Variants in CNOT3 observed in about 807,000 individuals in gnomAD.
CNOT3 encodes the protein CCR4-associated factor 3.
In CNOT3, 2 loss-of-function variants were observed where a neutral mutation model predicts 89.4. The ratio of observed to expected loss-of-function variants is 0.02; its 90% CI spans 0.01 to 0.07. The LOEUF is 0.07. Ranked by LOEUF, CNOT3 falls within the 10% of genes least tolerant of loss-of-function variation. The probability of loss-of-function intolerance (pLI) is 1.00; values close to 1 mark genes in which losing one functional copy is unlikely to be tolerated. For synonymous variants in CNOT3, 486 were observed against 402.0 expected, an observed-to-expected ratio of 1.21 and a Z score of -2.50; for missense variants, 664 against 1,010.2, an observed-to-expected ratio of 0.66 and a Z score of 4.65.
chr19:54,142,306 G>C (rs770900571), intron 1 of CNOT3: 3 of 153,628 alleles, frequency 2.0e-5, no homozygotes, highest in Non-Finnish European at 4.3e-5. Context: ...TGTCTTGGTG[G>C]TTTGAGTCCC....
intron 12 of CNOT3, among the ~76,000 whole-genome samples, 172 bp from the exon 13 acceptor site, chr19:54,149,388 C>T (rs1227243579): frequency 1.3e-5 from 2 of 151,930 alleles, no homozygotes. Context: ...AGATTGGGCT[C>T]TGCCTTTGTT....
chr19:54,145,244 C>T lies in CNOT3; in HGVS notation c.484-354C>T, dbSNP rs2074614032. Among the ~76,000 whole-genome samples the T allele has an allele frequency of 6.6e-6, 1 of 152,070 alleles. No individual in the cohort carries two copies. The highest frequency in any genetic ancestry group is 2.1e-4 in the South Asian group (1 of 4,826). ...GGTATCTGTATGCCAGAGGCAGTCA[C>T]AGTGGTGGGCGGGCTCAGTTGAGAA... On this transcript the variant is annotated intron_variant, in intron 7 of 17. Coordinates refer to ENST00000221232, the MANE Select transcript of CNOT3 (RefSeq NM_014516.4). This position sits in a 1 kb window ranked among gnomAD's most constrained non-coding sequence, Gnocchi z 5.9.
Position 54,143,433 on chromosome 19 carries a change from A to AT in CNOT3, c.94-8dup. 1 of 1,613,862 alleles carries AT rather than the reference A, an allele frequency of 6.2e-7. No individual in the cohort carries two copies. The highest frequency in any genetic ancestry group is 8.5e-7 in the Non-Finnish European group (1 of 1,179,864). ...CCACACTGACTTCTCAATTCTCTCC[A>AT]TCCCTCAGCTCCACAATGCAGCCAA... On this transcript the variant is annotated splice_polypyrimidine_tract_variant and intron_variant, in intron 3 of 17. Transcript: ENST00000221232.
In CNOT3 at chr19:54,148,308, C is replaced by T. The variant is rs934844672; in HGVS notation, c.1055C>T (p.Ala352Val). The change falls in exon 11 of 18, where the codon GCC becomes GTC. Residue 352 changes from alanine (A) to valine (V), a missense_variant. This residue lies in a region of CNOT3 where 545 missense variants were observed against 566.2 expected (regional missense o/e 0.96). Transcript: ENST00000221232. The surrounding 1 kb of genome is among the most constrained non-coding windows in gnomAD (Gnocchi z 6.3). ...CCCGCCCCCGCAGCACCCCCAAGTG[C>T]CCTGGGCCCCAAGGCCAGTCCAGCT... is the stretch of plus-strand genomic sequence containing the variant. ...GVPAPAAPPS[A>V]LGPKASPAPS... The T allele has an allele frequency of 1.2e-6, 2 of 1,606,906 alleles. No individual in the cohort carries two copies. Among genetic ancestry groups the T allele is most frequent in the African/African-American group, 2.7e-5 (2 of 74,806 alleles).
At chr19:54,152,704 TG>T in intron 15 of CNOT3, 78 bp downstream of exon 15, 2 of 1,274,938 alleles carry the variant, frequency 1.6e-6, no homozygotes, top group Admixed American at 1.7e-5. Context: ...TGTGAGGCTG[TG>T]GGTAGAGCAC....
rs1328429155 is a variant in CNOT3 at position 54,151,249 on chromosome 19, G to C, written c.1606-977G>C. 2.6e-5 allele frequency among the ~76,000 whole-genome samples: 4 copies of C among 152,188 alleles called. No individual in the cohort carries two copies. In the East Asian group the frequency reaches 7.7e-4, roughly 29 times the overall value. ...GGTGGGTGGTCGGGAACCATGGCAA[G>C]GTTTGGAGTAGAGAAGGAACAACAT... On this transcript the variant is annotated intron_variant, in intron 13 of 17. Coordinates refer to ENST00000221232, the MANE Select transcript of CNOT3 (RefSeq NM_014516.4).
rs2075179491 is a variant in CNOT3 at position 54,152,576 on chromosome 19, A to G, written c.1854A>G (p.Glu618=). 1.9e-6 allele frequency: 3 copies of G among 1,614,068 alleles called. No homozygotes were observed. The highest frequency in any genetic ancestry group is 1.6e-4 in the Middle Eastern group (1 of 6,062). Residue 618 remains glutamate (E), a synonymous_variant, in exon 15 of 18, where the codon GAA becomes GAG. Coordinates refer to ENST00000221232, the MANE Select transcript of CNOT3 (RefSeq NM_014516.4). ...TKEQLYQQAM[E]EAAWHHMPHP... Reference sequence around the variant, plus strand: ...AGCAGCTCTATCAGCAGGCCATGGAAGAGGCCGCCTGGCACCACATGCCTC... The same window carrying G: ...AGCAGCTCTATCAGCAGGCCATGGAGGAGGCCGCCTGGCACCACATGCCTC...
chr19:54,143,444 C>G lies in CNOT3; in HGVS notation c.96C>G (p.Leu32=). Residue 32 remains leucine, a splice_region_variant and synonymous_variant, in exon 4 of 18, where the codon CTC becomes CTG. Transcript: ENST00000221232. ...VEQFEDIWQK[L]HNAANANQKE... is the part of the protein sequence containing the mutation. ...TCTCAATTCTCTCCATCCCTCAGCT[C>G]CACAATGCAGCCAACGCGAACCAGA... The G allele has an allele frequency of 6.2e-7, 1 of 1,613,980 alleles. No homozygotes were observed. Among genetic ancestry groups the G allele is most frequent in the Non-Finnish European group, 8.5e-7 (1 of 1,179,984 alleles).
chr19:54,155,150 G>C lies in CNOT3; in HGVS notation c.2164-159G>C, dbSNP rs574530740. 147 of 729,898 alleles carry C rather than the reference G, an allele frequency of 2.0e-4. 1 individual carries two copies. Among genetic ancestry groups the C allele is most frequent in the Non-Finnish European group, 1.2e-4 (54 of 463,972 alleles). 45.2% of individuals were successfully genotyped at this position (729,898 alleles called of 1,614,324 possible). A position where few individuals can be genotyped will look rare whatever the true frequency, so the allele number is the denominator to read the frequency against. ...CATGATAACATTTCCTACCCAAGAA[G>C]AACCTTGTGAGGATGGATGAGAGTG... On this transcript the variant is annotated intron_variant, in intron 17 of 17. Transcript: ENST00000221232.
At chr19:54,141,434 G>A (rs36635) in intron 1 of CNOT3, 118,127 of 152,178 alleles carry the variant, frequency 0.78, 46,216 homozygotes, top group African/African-American at 0.88. Context: ...CCTGTCCTTT[G>A]TGGGCTTCTT....
Position 54,144,427 on chromosome 19 carries a change from G to T in CNOT3, c.483+95G>T. 1.1e-6 allele frequency: 1 copy of T among 918,578 alleles called. No individual in the cohort carries two copies. The highest frequency in any genetic ancestry group is 1.4e-5 in the South Asian group (1 of 70,672). 56.9% of individuals were successfully genotyped at this position (918,578 alleles called of 1,614,324 possible). On this transcript the variant is annotated intron_variant, in intron 7 of 17. Transcript: ENST00000221232. The surrounding 1 kb of genome is among the most constrained non-coding windows in gnomAD (Gnocchi z 4.8). ...AGTCATTTATGCTCCTGGGAGTTGG[G>T]GCCTGGATTCCTCAGGCGGACAGGG...
At position 54,146,058 on chromosome 19, in the gene CNOT3, G is replaced by A; in HGVS notation, c.837+15G>A. On this transcript the variant is annotated intron_variant, in intron 9 of 17. Coordinates refer to ENST00000221232, the MANE Select transcript of CNOT3 (RefSeq NM_014516.4). ...ACTGTACCACGGTGAGGCCCCACGG[G>A]ACACTAGTACCTTGTGTTTCCAGCA... The A allele has an allele frequency of 6.2e-7, 1 of 1,611,844 alleles. No homozygotes were observed. Among genetic ancestry groups the A allele is most frequent in the Non-Finnish European group, 8.5e-7 (1 of 1,179,350 alleles).
chr19:54,138,442 G>A (rs978392438), intron 1 of CNOT3, among the ~76,000 whole-genome samples: 1 of 152,026 alleles, frequency 6.6e-6, no homozygotes, highest in Admixed American at 6.5e-5. Context: ...TGCCCCCCTC[G>A]GCCTCGGTCC....
rs1307944894 is a variant in CNOT3, at chr19:54,148,173, C to T, written c.920C>T (p.Pro307Leu). 1.3e-6 allele frequency: 2 copies of T among 1,554,158 alleles called. No individual in the cohort carries two copies. The highest frequency in any genetic ancestry group is 1.7e-6 in the Non-Finnish European group (2 of 1,152,096). The change falls in exon 11 of 18, where the codon CCT becomes CTT. Residue 307 changes from proline (P) to leucine (L), a missense_variant. Coordinates refer to ENST00000221232, the MANE Select transcript of CNOT3 (RefSeq NM_014516.4). The surrounding 1 kb of genome is among the most constrained non-coding windows in gnomAD (Gnocchi z 6.3). The stretch of plus-strand genomic sequence containing the variant: ...TCTCCAGCCAAAAACGGCTCCAAGC[C>T]TGTCCACAGCAACCAGCACCCTCAG... ...SQSPAKNGSK[P>L]VHSNQHPQSP...
At position 54,153,170 on chromosome 19, in the gene CNOT3, C is replaced by G. The variant is rs759729339; in HGVS notation, c.2037+171C>G. 3 of 767,758 alleles carry G rather than the reference C, an allele frequency of 3.9e-6. No homozygotes were observed. In the South Asian group the frequency reaches 4.0e-5, roughly 10 times the overall value. 47.6% of individuals were successfully genotyped at this position (767,758 alleles called of 1,614,324 possible). A position where few individuals can be genotyped will look rare whatever the true frequency, so the allele number is the denominator to read the frequency against. On this transcript the variant is annotated intron_variant, in intron 16 of 17. Transcript: ENST00000221232. ...GCCCCAAATCCACCTGTCCCCGTCC[C>G]CGCCTTCCAGCCCAGAGATGTTAGA...
chr19:54,155,151 A>G, intron 17 of CNOT3, 158 bp from the exon 18 acceptor site: 1 of 731,146 alleles, frequency 1.4e-6, no homozygotes, highest in East Asian at 3.1e-5. Flanking sequence ...ACCCAAGAAG[A>G]ACCTTGTGAG....
intron 3 of CNOT3, 89 bp from the exon 4 acceptor site, chr19:54,143,353 C>T: frequency 7.3e-7 from 1 of 1,373,290 alleles, no homozygotes; most frequent in Non-Finnish European, 1.0e-6. Context: ...GGGGGGGGTC[C>T]TCGAGTCCCT....
chr19:54,148,553 G>C lies in CNOT3; in HGVS notation c.1282+18G>C, dbSNP rs587662644. The C allele has an allele frequency of 4.6e-5, 73 of 1,572,912 alleles. 2 individuals carry two copies. In the South Asian group the frequency reaches 8.2e-4, roughly 18 times the overall value. On this transcript the variant is annotated intron_variant, in intron 11 of 17. Coordinates refer to ENST00000221232, the MANE Select transcript of CNOT3 (RefSeq NM_014516.4). This position sits in a 1 kb window ranked among gnomAD's most constrained non-coding sequence, Gnocchi z 6.3. ...CGCCACCAGTGAGTGAGGAGGCAGC[G>C]GGGTGGGGGGCGTGGGCGGGGCTGG... is the stretch of plus-strand genomic sequence containing the variant.
At chr19:54,149,880 C>T in intron 13 of CNOT3, 122 bp downstream of exon 13, 2 of 1,025,168 alleles carry the variant, frequency 2.0e-6, no homozygotes, top group Non-Finnish European at 2.8e-6. Context: ...CTTTCTGTCC[C>T]CTTCTCACAC....
Sources: gnomAD v4.1 joint callset for allele counts (sites outside exome capture counted in the v4.1 genomes callset) on GRCh38, gnomAD v4.1.1 for gene constraint, gnomAD v4.1.1 regional missense constraint, Gnocchi (gnomAD v3.1) non-coding constraint, MANE v1.5 for transcripts, NCBI Gene and HGNC (gene_info 2026-07-23, HGNC 2026-07-21) for gene names.